CASK: variants seen among roughly 807,000 people sequenced by gnomAD.
The protein encoded by CASK is peripheral plasma membrane protein CASK.
CASK carries 4 observed loss-of-function variants against 82.9 expected under a neutral mutation model. The ratio of observed to expected loss-of-function variants is 0.05; its 90% confidence interval spans 0.02 to 0.11. CASK has a LOEUF of 0.11. CASK is among the 10% of genes least tolerant of loss of function. The pLI, the probability that CASK is intolerant of heterozygous loss-of-function variation, is 1.00. For missense variants in CASK, 358 were observed against 720.9 expected (o/e 0.50, Z 5.76); for synonymous variants, 259 against 253.5 (o/e 1.02, Z -0.20).
At chrX:41,755,927 A>C (rs1177928722) in intron 3 of CASK, among the ~76,000 whole-genome samples, 1 of 112,232 alleles carries the variant, frequency 8.9e-6, no homozygotes, top group Non-Finnish European at 1.9e-5. Flanking sequence ...GTTCACTGAC[A>C]AGAAGACTCA....
At chrX:41,714,403 G>A (rs1415397637) in intron 5 of CASK, among the ~76,000 whole-genome samples, 1 of 112,058 alleles carries the variant, frequency 8.9e-6, no homozygotes, top group Non-Finnish European at 1.9e-5. Flanking sequence ...TTTACATGAA[G>A]TGGTTGTATC....
intron 1 of CASK, 26 bp downstream of exon 1, chrX:41,922,904 T>G (rs2072812050): frequency 8.3e-7 from 1 of 1,198,700 alleles, no homozygotes; most frequent in Non-Finnish European, 1.1e-6. Context: ...TTTTCCACAC[T>G]CCCGCTCCCT....
At chrX:41,856,718 C>T (rs1329717628) in intron 1 of CASK, among the ~76,000 whole-genome samples, 1 of 107,078 alleles carries the variant, frequency 9.3e-6, no homozygotes, top group Non-Finnish European at 1.9e-5. Context: ...ATGGTATGAA[C>T]CCGGGAGGCG....
intron 5 of CASK, among the ~76,000 whole-genome samples, chrX:41,723,153 ATAAGG>A (rs992931581): frequency 4.4e-5 from 5 of 112,573 alleles, no homozygotes; most frequent in African/African-American, 1.6e-4. Context: ...TAAACATGAA[ATAAGG>A]TAAGCATTGC....
At chrX:41,654,278 GAAGAA>G (rs1436412258) in intron 8 of CASK, among the ~76,000 whole-genome samples, 11 of 111,652 alleles carry the variant, frequency 9.9e-5, no homozygotes. Context: ...TAAGGTGAAT[GAAGAA>G]AACAGTGATG....
At chrX:41,708,203 G>A (rs976637254) in intron 5 of CASK, among the ~76,000 whole-genome samples, 2 of 110,475 alleles carry the variant, frequency 1.8e-5, no homozygotes, top group African/African-American at 6.6e-5. Context: ...AGTGACTATA[G>A]TCGAGGATAG....
At chrX:41,689,678 C>G (rs1423180872) in intron 5 of CASK, 1 of 111,257 alleles carries the variant, frequency 9.0e-6, no homozygotes, top group Admixed American at 9.6e-5. Context: ...TGTAACAAAA[C>G]CTAACACACT....
At chrX:41,915,830 A>C (rs2072667599) in intron 1 of CASK, among the ~76,000 whole-genome samples, 1 of 106,565 alleles carries the variant, frequency 9.4e-6, no homozygotes, top group Non-Finnish European at 2.0e-5. Context: ...TCTACTAGAA[A>C]TACAAAAAAA....
rs778851571 is a variant in CASK, at chrX:41,737,871, T to C, written c.429+1513A>G. 4.4e-5 allele frequency among the ~76,000 whole-genome samples: 5 copies of C among 113,149 alleles called. No homozygotes were observed. The South Asian group carries it at 1.4e-3, about 32-fold the overall frequency. On this transcript the variant is annotated intron_variant, in intron 5 of 26. Coordinates refer to ENST00000378163, the MANE Select transcript of CASK (RefSeq NM_001367721.1). The stretch of plus-strand genomic sequence containing the variant: ...AGAGATATATTTTACTCTCTACATA[T>C]GAACTTTCTTACATTAATTAATGCA...
intron 2 of CASK, among the ~76,000 whole-genome samples, chrX:41,808,241 T>C (rs1268063436): frequency 1.8e-5 from 2 of 111,906 alleles, no homozygotes; most frequent in Non-Finnish European, 3.8e-5. Context: ...ATCCAAACCA[T>C]AGCACATGGT....
chrX:41,806,146 G>A (rs2070120900), intron 2 of CASK, among the ~76,000 whole-genome samples: 1 of 111,752 alleles, frequency 8.9e-6, no homozygotes, highest in African/African-American at 3.3e-5. Flanking sequence ...ATAAAGAGGT[G>A]CCAAGTTTTT....
At chrX:41,600,052 A>C (rs1311373038) in intron 12 of CASK, among the ~76,000 whole-genome samples, 1 of 112,002 alleles carries the variant, frequency 8.9e-6, no homozygotes, top group Non-Finnish European at 1.9e-5. Context: ...AAGCAACTAC[A>C]AGAGTTAAAT....
At chrX:41,726,091 G>C (rs1041083969) in intron 5 of CASK, among the ~76,000 whole-genome samples, 2 of 111,859 alleles carry the variant, frequency 1.8e-5, no homozygotes, top group Non-Finnish European at 3.8e-5. Flanking sequence ...GGGATAACAG[G>C]CATGAGCCAA....
chrX:41,881,592 G>A (rs935588239), intron 1 of CASK, among the ~76,000 whole-genome samples: 22 of 111,524 alleles, frequency 2.0e-4, no homozygotes, highest in African/African-American at 6.5e-4. Context: ...ATTTCGTAGA[G>A]TGAATGTTTC....
chrX:41,814,354 C>A (rs984648110), intron 2 of CASK, among the ~76,000 whole-genome samples: 2 of 111,380 alleles, frequency 1.8e-5, no homozygotes, highest in African/African-American at 6.5e-5. Context: ...AAATGTCCAT[C>A]CATGATAGAC....
intron 16 of CASK, among the ~76,000 whole-genome samples, chrX:41,564,075 A>G (rs890649102): frequency 8.9e-6 from 1 of 112,271 alleles, no homozygotes; most frequent in Non-Finnish European, 1.9e-5. Context: ...GCAGTACATA[A>G]AAAAGATAAT....
intron 13 of CASK, 198 bp from the exon 14 acceptor site, chrX:41,587,185 C>G: frequency 2.7e-6 from 1 of 365,457 alleles, no homozygotes; most frequent in Non-Finnish European, 4.7e-6. Flanking sequence ...GCAAATTGTT[C>G]TAAAAGTCTG....
chrX:41,691,047 A>C (rs895211505), intron 5 of CASK, among the ~76,000 whole-genome samples: 4 of 112,253 alleles, frequency 3.6e-5, no homozygotes, highest in Non-Finnish European at 7.5e-5. Context: ...ATTATAACAT[A>C]AACAAATGCA....
intron 1 of CASK, among the ~76,000 whole-genome samples, chrX:41,864,977 T>C (rs766531276): frequency 5.4e-5 from 6 of 112,008 alleles, no homozygotes; most frequent in Admixed American, 9.4e-5. Context: ...AAGTAGATGA[T>C]CTGGAAAATA....
Sources: gnomAD v4.1 joint callset for allele counts (sites outside exome capture counted in the v4.1 genomes callset) on GRCh38, gnomAD v4.1.1 for gene constraint, MANE v1.5 for transcripts, NCBI Gene and HGNC (gene_info 2026-07-23, HGNC 2026-07-21) for gene names.